AK8: variants seen among roughly 807,000 people sequenced by gnomAD.
AK8 encodes adenylate kinase 8.
A neutral mutation model predicts 54.6 loss-of-function variants in AK8; 44 were observed. That is an observed-to-expected ratio of 0.81 (90% CI 0.63 to 1.04). The LOEUF (loss-of-function observed/expected upper bound fraction) is 1.04, where lower values mean the gene tolerates loss of function less well. AK8 is among the 50% of genes least tolerant of loss of function. The pLI is 0.00. For synonymous variants in AK8, 239 were observed against 245.6 expected (o/e 0.97, Z 0.25); for missense variants, 555 against 613.6 (o/e 0.90, Z 1.01).
intron 11 of AK8, among the ~76,000 whole-genome samples, chr9:132,735,794 A>G (rs1293994711): frequency 3.9e-5 from 6 of 152,242 alleles, no homozygotes. Context: ...CGCAACAGCC[A>G]AAAGGTGAAA....
intron 5 of AK8, among the ~76,000 whole-genome samples, chr9:132,852,176 G>C (rs1392103733): frequency 1.3e-5 from 2 of 152,110 alleles, no homozygotes; most frequent in Non-Finnish European, 2.9e-5. Flanking sequence ...GACTGATAGA[G>C]AGTAAAAACA....
Position 132,878,140 on chromosome 9 carries a change from C to A in AK8, c.84+32G>T. The A allele has an allele frequency of 6.5e-7, 1 of 1,536,198 alleles. No individual in the cohort carries two copies. The highest frequency in any genetic ancestry group is 8.8e-7 in the Non-Finnish European group (1 of 1,141,212). ...GCAGTGGAGGCTCCCGAGCCGCCGC[C>A]AGCGTCGCGACGGGCAGGGGTGTCC... On this transcript the variant is annotated intron_variant, in intron 1 of 12. Coordinates refer to ENST00000298545, the MANE Select transcript of AK8 (RefSeq NM_152572.3). The surrounding 1 kb of genome is among the most constrained non-coding windows in gnomAD (Gnocchi z 4.7).
intron 11 of AK8, among the ~76,000 whole-genome samples, chr9:132,739,716 A>G (rs1323648894): frequency 6.6e-6 from 1 of 152,192 alleles, no homozygotes; most frequent in East Asian, 1.9e-4. Context: ...CAACACAGTG[A>G]GACCCTCTCA....
At chr9:132,768,193 C>T (rs540916504) in intron 11 of AK8, among the ~76,000 whole-genome samples, 2 of 152,104 alleles carry the variant, frequency 1.3e-5, no homozygotes, top group African/African-American at 4.8e-5. Flanking sequence ...ATGCATGTAC[C>T]GAAATATCAC....
intron 4 of AK8, among the ~76,000 whole-genome samples, chr9:132,859,927 A>G (rs1372031849): frequency 3.3e-5 from 5 of 152,192 alleles, no homozygotes; most frequent in African/African-American, 1.2e-4. Context: ...GGGTTTCTGC[A>G]GTATTACTGG....
rs753753845 is a variant in AK8 at position 132,827,039 on chromosome 9, G to A, written c.572C>T (p.Thr191Ile). ...DPQTGEIYHT[T>I]FDWPPESEIQ... is the part of the protein sequence containing the mutation. ...TTCAGATTCGGGTGGCCAGTCAAAG[G>A]TGGTGTGATAAATCTCTACAAGGAG... The change falls in exon 8 of 13, where the codon ACC becomes ATC. Residue 191 changes from threonine (T) to isoleucine (I), a missense_variant. Transcript: ENST00000298545. 1.2e-6 allele frequency: 2 copies of A among 1,614,230 alleles called. No individual in the cohort carries two copies. The highest frequency in any genetic ancestry group is 1.7e-6 in the Non-Finnish European group (2 of 1,180,036).
chr9:132,751,156 G>A (rs898632564), intron 11 of AK8, among the ~76,000 whole-genome samples: 3 of 151,826 alleles, frequency 2.0e-5, no homozygotes, highest in Non-Finnish European at 4.4e-5. Flanking sequence ...GGCCAAGGCA[G>A]GCCGATCATT....
intron 10 of AK8, among the ~76,000 whole-genome samples, chr9:132,797,498 C>T (rs1442549561): frequency 6.6e-6 from 1 of 152,144 alleles, no homozygotes; most frequent in Non-Finnish European, 1.5e-5. Flanking sequence ...TACGTGATCA[C>T]CCACTCGTGA....
At chr9:132,840,077 C>T (rs1399677027) in intron 5 of AK8, among the ~76,000 whole-genome samples, 2 of 152,124 alleles carry the variant, frequency 1.3e-5, no homozygotes, top group Non-Finnish European at 2.9e-5. Flanking sequence ...CTTGGCCTTC[C>T]ACAGTGCTAG....
At chr9:132,750,969 A>G (rs1314393154) in intron 11 of AK8, among the ~76,000 whole-genome samples, 1 of 152,054 alleles carries the variant, frequency 6.6e-6, no homozygotes, top group Non-Finnish European at 1.5e-5. Flanking sequence ...TAAACTGTTT[A>G]TCTGGGTTAT....
At chr9:132,727,388 G>C in intron 12 of AK8, 66 bp downstream of exon 12, 1 of 1,441,766 alleles carries the variant, frequency 6.9e-7, no homozygotes. Flanking sequence ...CATGGCATTG[G>C]TCAGTCAGTT....
At chr9:132,830,841 C>T (rs989978052) in intron 5 of AK8, among the ~76,000 whole-genome samples, 3 of 152,194 alleles carry the variant, frequency 2.0e-5, no homozygotes, top group African/African-American at 7.2e-5. Context: ...GCATAAAACA[C>T]CCTCCCCCCT....
intron 11 of AK8, among the ~76,000 whole-genome samples, chr9:132,747,465 T>C (rs1837706453): frequency 6.7e-6 from 1 of 150,164 alleles, no homozygotes; most frequent in Non-Finnish European, 1.5e-5. Flanking sequence ...TTTTTTTTTC[T>C]GAGATGGAGT....
In AK8 at chr9:132,828,648, C is replaced by T. The variant is rs559488730; in HGVS notation, c.481G>A (p.Val161Ile). Residue 161 changes from valine (V) to isoleucine (I), a missense_variant, in exon 6 of 13, where the codon GTC becomes ATC. Val to Ile is a conservative substitution (Grantham distance 29). Coordinates refer to ENST00000298545, the MANE Select transcript of AK8 (RefSeq NM_152572.3). ...GGGACCCTTGGGAGCTACTCACTGA[C>T]GTGTCTGGGTGTGATCCCCAGGGTC... is the stretch of plus-strand genomic sequence containing the variant. ...IQTLGITPRH[V>I]IVLSAPDTVL... 37 of 1,611,320 alleles carry T rather than the reference C, an allele frequency of 2.3e-5. No individual in the cohort carries two copies. The South Asian group carries it at 2.7e-4, about 12-fold the overall frequency.
chr9:132,838,467 G>T (rs1842412804), intron 5 of AK8, among the ~76,000 whole-genome samples: 1 of 152,176 alleles, frequency 6.6e-6, no homozygotes. Flanking sequence ...TTTTGGGGCT[G>T]GGGGCCTGAC....
intron 9 of AK8, 77 bp downstream of exon 9, chr9:132,823,128 A>C (rs1442781738): frequency 3.4e-6 from 5 of 1,475,414 alleles, no homozygotes; most frequent in Non-Finnish European, 4.5e-6. Context: ...CCCCCCATAA[A>C]ATGAGAGCTG....
intron 10 of AK8, among the ~76,000 whole-genome samples, chr9:132,798,669 C>T (rs900436923): frequency 2.6e-5 from 4 of 151,938 alleles, no homozygotes; most frequent in African/African-American, 2.4e-5. Flanking sequence ...TTCATAAGGC[C>T]ACACCACATG....
intron 5 of AK8, among the ~76,000 whole-genome samples, chr9:132,849,573 A>G (rs1842888710): frequency 6.6e-6 from 1 of 152,222 alleles, no homozygotes; most frequent in Non-Finnish European, 1.5e-5. Context: ...ACTCACAGTG[A>G]ACAATTTGAG....
At chr9:132,873,046 C>T (rs986727113) in intron 2 of AK8, among the ~76,000 whole-genome samples, 2 of 152,162 alleles carry the variant, frequency 1.3e-5, no homozygotes, top group Non-Finnish European at 2.9e-5. Context: ...ATCTCCTGAC[C>T]TCATGATCCG....
Sources: gnomAD v4.1 joint callset for allele counts (sites outside exome capture counted in the v4.1 genomes callset) on GRCh38, gnomAD v4.1.1 for gene constraint, Gnocchi (gnomAD v3.1) non-coding constraint, MANE v1.5 for transcripts, NCBI Gene and HGNC (gene_info 2026-07-23, HGNC 2026-07-21) for gene names.